Variants in MYZAP observed in about 807,000 individuals in gnomAD.
MYZAP encodes myocardial zonula adherens protein.
In MYZAP, 66 loss-of-function variants were observed where a neutral mutation model predicts 69.4. The observed-to-expected ratio is 0.95, with a 90% CI of 0.78 to 1.17. The LOEUF is 1.17. Ranked by LOEUF, MYZAP falls within the 50% of genes most tolerant of loss-of-function variation. The pLI is 0.00. For missense variants in MYZAP, 611 were observed against 556.2 expected (o/e 1.10, Z -0.99); for synonymous variants, 256 against 205.9 (o/e 1.24, Z -2.09).
At chr15:57,674,872 T>A (rs1379510453) in intron 11 of MYZAP, 96 bp from the exon 12 acceptor site, 1 of 1,054,670 alleles carries the variant, frequency 9.5e-7, no homozygotes, top group Non-Finnish European at 1.4e-6. Context: ...GCCCATGTCA[T>A]GGGGCAAAAT....
At chr15:57,614,525 G>A (rs1424156007) in intron 2 of MYZAP, among the ~76,000 whole-genome samples, 1 of 144,028 alleles carries the variant, frequency 6.9e-6, no homozygotes, top group Non-Finnish European at 1.5e-5. Flanking sequence ...AGTGCAGATC[G>A]AGGGAACAGC....
At chr15:57,662,298 C>G (rs546092770) in intron 11 of MYZAP, among the ~76,000 whole-genome samples, 3 of 152,328 alleles carry the variant, frequency 2.0e-5, no homozygotes, top group Admixed American at 2.0e-4. Flanking sequence ...AGCACCTGTC[C>G]TTATCTGTGT....
At chr15:57,638,367 A>G (rs543673805) in intron 9 of MYZAP, among the ~76,000 whole-genome samples, 1 of 152,272 alleles carries the variant, frequency 6.6e-6, no homozygotes, top group East Asian at 1.9e-4. Context: ...ATGGAAATTC[A>G]TCTTTAAACG....
intron 12 of MYZAP, 147 bp from the exon 13 acceptor site, chr15:57,684,255 A>C: frequency 1.6e-6 from 1 of 612,500 alleles, no homozygotes; most frequent in East Asian, 2.9e-5. Flanking sequence ...GCCTGTTTGT[A>C]ATATTTAAGT....
intron 11 of MYZAP, among the ~76,000 whole-genome samples, chr15:57,664,169 C>T (rs2038454763): frequency 6.6e-6 from 1 of 151,288 alleles, no homozygotes; most frequent in Non-Finnish European, 1.5e-5. Flanking sequence ...CAGGTGCAGT[C>T]ATCTTTGAGA....
At chr15:57,620,944 T>C (rs2035766705) in intron 3 of MYZAP, among the ~76,000 whole-genome samples, 1 of 150,270 alleles carries the variant, frequency 6.7e-6, no homozygotes, top group African/African-American at 2.4e-5. Flanking sequence ...GGCTAATTAA[T>C]ATTTATTATG....
chr15:57,628,327 G>A (rs570359285), intron 5 of MYZAP, among the ~76,000 whole-genome samples: 1 of 152,188 alleles, frequency 6.6e-6, no homozygotes. Context: ...CTGGAGTGCA[G>A]CAGTGTGATA....
Position 57,621,703 on chromosome 15 carries a change from A to T in MYZAP, c.411+3A>T. On this transcript the variant is annotated splice_donor_region_variant and intron_variant, in intron 4 of 12. Coordinates refer to ENST00000267853, the MANE Select transcript of MYZAP (RefSeq NM_001018100.5). ...GACAGCTCACCCAGGAACTATCAGT[A>T]AGTCATTATCTCAGTTGCTTGGAGA... is the stretch of plus-strand genomic sequence containing the variant. 1 of 1,613,558 alleles carries T rather than the reference A, an allele frequency of 6.2e-7. No individual in the cohort carries two copies.
At chr15:57,611,763 A>G (rs1283324719) in intron 2 of MYZAP, among the ~76,000 whole-genome samples, 2 of 152,106 alleles carry the variant, frequency 1.3e-5, no homozygotes, top group South Asian at 2.1e-4. Context: ...GGGTCTCACT[A>G]TGTCATCCAG....
At chr15:57,597,530 G>C (rs570612310) in intron 1 of MYZAP, among the ~76,000 whole-genome samples, 4 of 152,316 alleles carry the variant, frequency 2.6e-5, no homozygotes, top group African/African-American at 7.2e-5. Context: ...ATGGGGCAGG[G>C]AGGGGGAGTC....
At chr15:57,682,140 T>A (rs1454170174) in intron 12 of MYZAP, among the ~76,000 whole-genome samples, 1 of 152,166 alleles carries the variant, frequency 6.6e-6, no homozygotes, top group Non-Finnish European at 1.5e-5. Flanking sequence ...CTCCACACAG[T>A]CTTTCAGGAA....
chr15:57,649,217 A>G (rs911875170), intron 10 of MYZAP, among the ~76,000 whole-genome samples: 1 of 152,230 alleles, frequency 6.6e-6, no homozygotes, highest in Non-Finnish European at 1.5e-5. Flanking sequence ...ACTAGGAAGT[A>G]TACGTAAAGG....
intron 10 of MYZAP, chr15:57,647,472 C>T: frequency 1.0e-6 from 1 of 985,408 alleles, no homozygotes; most frequent in Non-Finnish European, 1.2e-6. Context: ...TTTGTTCTAG[C>T]AGCATTGATT....
At chr15:57,599,266 C>CTG (rs1288179803) in intron 1 of MYZAP, 1 of 174,864 alleles carries the variant, frequency 5.7e-6, no homozygotes, top group African/African-American at 2.4e-5. Flanking sequence ...TATCCTGTCT[C>CTG]TCTACACCTT....
intron 10 of MYZAP, among the ~76,000 whole-genome samples, chr15:57,659,726 A>G (rs1330434742): frequency 6.6e-6 from 1 of 152,162 alleles, no homozygotes; most frequent in Non-Finnish European, 1.5e-5. Context: ...TCTTCAATTC[A>G]GTTTGTTCTC....
chr15:57,646,639 A>G, intron 10 of MYZAP: 1 of 994,144 alleles, frequency 1.0e-6, no homozygotes, highest in Non-Finnish European at 1.2e-6. Context: ...CTCCCACCAG[A>G]TCACCCCCAA....
intron 12 of MYZAP, among the ~76,000 whole-genome samples, chr15:57,682,818 T>C (rs1479312216): frequency 4.6e-5 from 7 of 152,186 alleles, no homozygotes; most frequent in African/African-American, 1.7e-4. Context: ...GCCTTACACA[T>C]ACTGCCCCTT....
intron 9 of MYZAP, among the ~76,000 whole-genome samples, 168 bp from the exon 10 acceptor site, chr15:57,639,272 C>T (rs1312365736): frequency 6.6e-6 from 1 of 150,830 alleles, no homozygotes; most frequent in Non-Finnish European, 1.5e-5. Flanking sequence ...GTCTCAAACT[C>T]CTGGCCTCAA....
chr15:57,606,025 T>A (rs543182467), intron 2 of MYZAP, among the ~76,000 whole-genome samples: 4 of 152,316 alleles, frequency 2.6e-5, no homozygotes, highest in African/African-American at 4.8e-5. Context: ...CCCTTTTTTT[T>A]ATAGAACACT....
Sources: allele counts gnomAD v4.1 joint callset (sites outside exome capture counted in the v4.1 genomes callset), GRCh38; gene constraint gnomAD v4.1.1; transcripts MANE v1.5; gene names NCBI Gene and HGNC (gene_info 2026-07-23, HGNC 2026-07-21).